TTLL11: variants seen among roughly 807,000 people sequenced by gnomAD.
TTLL11 encodes the protein tubulin tyrosine ligase like 11.
A neutral mutation model predicts 51.7 loss-of-function variants in TTLL11; 42 were observed. The ratio of observed to expected loss-of-function variants is 0.81; its 90% CI spans 0.64 to 1.05. The LOEUF is 1.05. Among genes scored for constraint, TTLL11 ranks in the 50% least tolerant of loss-of-function variants. The pLI, the probability that TTLL11 is intolerant of heterozygous loss-of-function variation, is 0.00. For synonymous variants in TTLL11, 381 were observed against 383.5 expected (o/e 0.99, Z 0.08); for missense variants, 799 against 940.4 (o/e 0.85, Z 1.97).
chr9:121,936,835 C>G (rs1334881454), intron 6 of TTLL11, among the ~76,000 whole-genome samples: 1 of 152,220 alleles, frequency 6.6e-6, no homozygotes, highest in Non-Finnish European at 1.5e-5. Context: ...AAACATTTGA[C>G]TACATCACTA....
chr9:121,991,584 T>G (rs1371852281), intron 3 of TTLL11, among the ~76,000 whole-genome samples: 2 of 152,250 alleles, frequency 1.3e-5, no homozygotes, highest in Non-Finnish European at 2.9e-5. Flanking sequence ...AATTTTTCCC[T>G]CTGGAAAGCT....
At chr9:122,055,035 T>A (rs1356946612) in intron 1 of TTLL11, among the ~76,000 whole-genome samples, 1 of 152,152 alleles carries the variant, frequency 6.6e-6, no homozygotes, top group Non-Finnish European at 1.5e-5. Flanking sequence ...GTGTTGCCGG[T>A]CCATAAATTC....
intron 1 of TTLL11, among the ~76,000 whole-genome samples, chr9:122,088,053 C>T (rs1846173725): frequency 6.6e-6 from 1 of 152,194 alleles, no homozygotes; most frequent in Non-Finnish European, 1.5e-5. Flanking sequence ...GCATGGTTCA[C>T]TTGGGACTGA....
At chr9:121,974,794 G>A (rs923010496) in intron 5 of TTLL11, 90 bp downstream of exon 5, 8 of 1,035,166 alleles carry the variant, frequency 7.7e-6, no homozygotes, top group Admixed American at 5.7e-5. Context: ...ATCTGAGAAT[G>A]TCCAATCTTG....
chr9:122,059,873 C>A (rs1158430703), intron 1 of TTLL11, among the ~76,000 whole-genome samples: 2 of 152,116 alleles, frequency 1.3e-5, no homozygotes, highest in Non-Finnish European at 2.9e-5. Context: ...CTTGCAGCTG[C>A]GGGACTGAGA....
At chr9:121,884,739 C>G (rs1838941476) in intron 6 of TTLL11, 1 of 152,202 alleles carries the variant, frequency 6.6e-6, no homozygotes, top group South Asian at 2.1e-4. Flanking sequence ...TTATTAATTT[C>G]TCAGCTATGA....
intron 1 of TTLL11, among the ~76,000 whole-genome samples, chr9:122,059,740 T>C (rs973777118): frequency 7.2e-5 from 11 of 152,212 alleles, no homozygotes; most frequent in Admixed American, 2.6e-4. Context: ...ATGGTGTAAC[T>C]GGTTTCTCTG....
chr9:122,085,972 C>T (rs530257744), intron 1 of TTLL11, among the ~76,000 whole-genome samples: 3 of 151,982 alleles, frequency 2.0e-5, no homozygotes, highest in Non-Finnish European at 4.4e-5. Context: ...AAACAGTGGT[C>T]GATTACTTTT....
intron 7 of TTLL11, among the ~76,000 whole-genome samples, chr9:121,867,747 C>T (rs1256103799): frequency 1.3e-5 from 2 of 152,078 alleles, no homozygotes; most frequent in Admixed American, 1.3e-4. Flanking sequence ...GTACTTGGAG[C>T]ACTCTGAATG....
At chr9:121,988,416 C>T (rs985526152) in intron 4 of TTLL11, among the ~76,000 whole-genome samples, 4 of 151,968 alleles carry the variant, frequency 2.6e-5, no homozygotes, top group African/African-American at 9.7e-5. Flanking sequence ...TCCCACCTCA[C>T]CTTCCCTCAT....
chr9:122,050,542 C>A (rs1322314135), intron 1 of TTLL11, among the ~76,000 whole-genome samples: 2 of 152,030 alleles, frequency 1.3e-5, no homozygotes, highest in Non-Finnish European at 2.9e-5. Flanking sequence ...TCTTTCTATC[C>A]TCTCCCCTAC....
At chr9:121,913,332 A>T (rs1327070656) in intron 6 of TTLL11, among the ~76,000 whole-genome samples, 2 of 152,184 alleles carry the variant, frequency 1.3e-5, no homozygotes, top group Non-Finnish European at 2.9e-5. Flanking sequence ...AAATGTGCGG[A>T]TCTGTCCATT....
Position 121,891,022 on chromosome 9 carries a change from C to T in TTLL11, c.1482-20274G>A, listed in dbSNP as rs112894549. Among the ~76,000 whole-genome samples the T allele has an allele frequency of 3.0e-4, 45 of 152,356 alleles. 2 individuals are homozygous for T. The highest frequency in any genetic ancestry group is 9.6e-4 in the African/African-American group (40 of 41,576). ...CCTCTGCCTGGAACTTCATTCCTTC[C>T]ACCTTGCCCCACCCTTCTGCTGGTT... On this transcript the variant is annotated intron_variant, in intron 6 of 8. Coordinates refer to ENST00000321582, the MANE Select transcript of TTLL11 (RefSeq NM_001139442.2).
intron 6 of TTLL11, among the ~76,000 whole-genome samples, chr9:121,912,913 GA>G (rs113608467): frequency 9.5e-4 from 135 of 142,262 alleles, no homozygotes; most frequent in African/African-American, 1.4e-3. Flanking sequence ...TCAGAGTCAA[GA>G]AAAAAAAAAA....
At chr9:121,856,408 C>T (rs1444648224) in intron 8 of TTLL11, among the ~76,000 whole-genome samples, 1 of 152,184 alleles carries the variant, frequency 6.6e-6, no homozygotes, top group Non-Finnish European at 1.5e-5. Flanking sequence ...TGTAATTTCA[C>T]CTCTTTGAGG....
rs1808402445 is a variant in TTLL11, at chr9:121,816,647, TGC to T, written c.*5938_*5939del. ...TGCATGTGTGGTGTGTGCGCGCACA[TGC>T]GTGTGTGTGCATGTGTGCGTGTGTG... On this transcript the variant is annotated 3_prime_UTR_variant, in exon 9 of 9. Transcript: ENST00000321582. 3 of 133,246 alleles carry T rather than the reference TGC, an allele frequency of 2.3e-5. No individual in the cohort carries two copies. The highest frequency in any genetic ancestry group is 1.1e-4 in the African/African-American group (3 of 27,112). The allele number at this position is 133,246 out of a possible 1,614,324, so 8.3% of individuals were successfully genotyped here. A position where few individuals can be genotyped will look rare whatever the true frequency, so the allele number is the denominator to read the frequency against.
Position 121,816,659 on chromosome 9 carries a change from CATGTGTGCGT to C in TTLL11, c.*5918_*5927del, listed in dbSNP as rs1403956787. The C allele has an allele frequency of 1.5e-5, 2 of 131,418 alleles. No homozygotes were observed. The highest frequency in any genetic ancestry group is 7.5e-5 in the African/African-American group (2 of 26,586). The allele number at this position is 131,418 out of a possible 1,614,324, so 8.1% of individuals were successfully genotyped here. On this transcript the variant is annotated 3_prime_UTR_variant, in exon 9 of 9. Transcript: ENST00000321582. ...GTGTGCGCGCACATGCGTGTGTGTG[CATGTGTGCGT>C]GTGTGCATGCGTGTGCATCGTGTGT...
intron 3 of TTLL11, among the ~76,000 whole-genome samples, chr9:121,994,767 G>C (rs1376903460): frequency 6.6e-6 from 1 of 152,202 alleles, no homozygotes; most frequent in Non-Finnish European, 1.5e-5. Flanking sequence ...AACTTAATTA[G>C]ATGTGTATTA....
At chr9:122,065,118 C>T (rs1210278742) in intron 1 of TTLL11, among the ~76,000 whole-genome samples, 1 of 152,126 alleles carries the variant, frequency 6.6e-6, no homozygotes, top group Non-Finnish European at 1.5e-5. Context: ...AGGTCCCATC[C>T]CTACTGGGAA....
Sources: allele counts gnomAD v4.1 joint callset (sites outside exome capture counted in the v4.1 genomes callset), GRCh38; gene constraint gnomAD v4.1.1; transcripts MANE v1.5; gene names NCBI Gene and HGNC (gene_info 2026-07-23, HGNC 2026-07-21).